Variants in SFMBT2 observed in about 807,000 individuals in gnomAD.
The protein encoded by SFMBT2 is Scm like with four mbt domains 2.
SFMBT2 carries 38 observed loss-of-function variants against 110.1 expected under a neutral mutation model. The ratio of observed to expected loss-of-function variants is 0.35; its 90% CI spans 0.27 to 0.45. The LOEUF (loss-of-function observed/expected upper bound fraction) is 0.45. SFMBT2 is among the 20% of genes least tolerant of loss of function. The pLI, the probability that SFMBT2 is intolerant of heterozygous loss-of-function variation, is 1.00. For missense variants in SFMBT2, 1,011 were observed against 1,094.9 expected (o/e 0.92, Z 1.08); for synonymous variants, 425 against 425.4 (o/e 1.00, Z 0.01).
chr10:7,370,222 A>C, intron 3 of SFMBT2, 59 bp downstream of exon 3: 1 of 1,465,184 alleles, frequency 6.8e-7, no homozygotes, highest in African/African-American at 1.4e-5. Context: ...GCTTCTCCCT[A>C]TAGATTCCTT....
intron 9 of SFMBT2, among the ~76,000 whole-genome samples, chr10:7,237,731 G>A (rs111973184): frequency 1.3e-5 from 2 of 152,104 alleles, no homozygotes; most frequent in African/African-American, 4.8e-5. Flanking sequence ...TTTTAGTGGG[G>A]GAGATGAATG....
At chr10:7,349,748 C>T (rs765369097) in intron 4 of SFMBT2, among the ~76,000 whole-genome samples, 1 of 151,862 alleles carries the variant, frequency 6.6e-6, no homozygotes, top group African/African-American at 2.4e-5. Context: ...TGTGAGCCAC[C>T]GTGCCCGGCC....
chr10:7,227,700 T>C (rs1839935323), intron 10 of SFMBT2, among the ~76,000 whole-genome samples, 155 bp downstream of exon 10: 1 of 152,204 alleles, frequency 6.6e-6, no homozygotes, highest in South Asian at 2.1e-4. Context: ...ATATACAACC[T>C]GAAAGCAGAG....
intron 7 of SFMBT2, chr10:7,249,222 T>C (rs144499733): frequency 5.1e-6 from 1 of 194,464 alleles, no homozygotes; most frequent in African/African-American, 2.4e-5. Context: ...CACAGACGAT[T>C]AGAACCTGTC....
intron 12 of SFMBT2, 150 bp from the exon 13 acceptor site, chr10:7,202,672 T>A: frequency 6.6e-7 from 1 of 1,518,748 alleles, no homozygotes; most frequent in South Asian, 1.3e-5. Context: ...CAATTTCCTA[T>A]CAGTTTCTTC....
chr10:7,269,324 A>C (rs1009774798), intron 7 of SFMBT2, among the ~76,000 whole-genome samples: 1 of 152,188 alleles, frequency 6.6e-6, no homozygotes, highest in Non-Finnish European at 1.5e-5. Context: ...ACAGAAAGGA[A>C]CACCTACCCA....
At chr10:7,184,397 T>C (rs1015657848) in intron 16 of SFMBT2, among the ~76,000 whole-genome samples, 3 of 152,088 alleles carry the variant, frequency 2.0e-5, no homozygotes, top group African/African-American at 7.2e-5. Context: ...TCTCTTCTCT[T>C]GTCTGCCACC....
chr10:7,251,772 C>A (rs1029476798), intron 7 of SFMBT2, among the ~76,000 whole-genome samples: 19 of 152,128 alleles, frequency 1.2e-4, no homozygotes, highest in African/African-American at 4.1e-4. Context: ...TTCTCAGGAG[C>A]CTCCTTCTCT....
chr10:7,278,946 C>T (rs913058848), intron 6 of SFMBT2, among the ~76,000 whole-genome samples: 1 of 151,806 alleles, frequency 6.6e-6, no homozygotes, highest in African/African-American at 2.4e-5. Context: ...AAAACAAAAA[C>T]AAAAATTAGC....
chr10:7,391,510 T>C (rs1197194568), intron 1 of SFMBT2, among the ~76,000 whole-genome samples: 2 of 149,766 alleles, frequency 1.3e-5, no homozygotes, highest in Non-Finnish European at 3.0e-5. Context: ...CTCACATGAC[T>C]CTGGAGGGCA....
chr10:7,385,286 G>A (rs1227397966), intron 1 of SFMBT2, among the ~76,000 whole-genome samples: 1 of 152,198 alleles, frequency 6.6e-6, no homozygotes, highest in Non-Finnish European at 1.5e-5. Flanking sequence ...CGTGGTCACT[G>A]AGGAAGAGAG....
chr10:7,172,252 T>C lies in SFMBT2; in HGVS notation c.2152-94A>G. The C allele has an allele frequency of 6.8e-7, 1 of 1,475,176 alleles. No individual in the cohort carries two copies. Among genetic ancestry groups the C allele is most frequent in the Non-Finnish European group, 9.0e-7 (1 of 1,115,114 alleles). 91.4% of individuals were successfully genotyped at this position (1,475,176 alleles called of 1,614,324 possible). Reference sequence around the variant, plus strand: ...GACCCTGGGCCCAGTGCAGACCACCTAGCAAACCCTCGGAAATGGAGCCAG... The same window carrying C: ...GACCCTGGGCCCAGTGCAGACCACCCAGCAAACCCTCGGAAATGGAGCCAG... On this transcript the variant is annotated intron_variant, in intron 18 of 20. Transcript: ENST00000397167. The surrounding 1 kb of genome is among the most constrained non-coding windows in gnomAD (Gnocchi z 4.6).
chr10:7,233,317 T>C (rs1840162987), intron 9 of SFMBT2, among the ~76,000 whole-genome samples: 1 of 152,136 alleles, frequency 6.6e-6, no homozygotes, highest in African/African-American at 2.4e-5. Flanking sequence ...CTCCAGCGAC[T>C]ACTGGGAGTA....
At chr10:7,217,109 G>C (rs1314782486) in intron 11 of SFMBT2, among the ~76,000 whole-genome samples, 1 of 152,212 alleles carries the variant, frequency 6.6e-6, no homozygotes, top group East Asian at 1.9e-4. Flanking sequence ...TTTGACTCAT[G>C]TGAGGTACTT....
intron 16 of SFMBT2, among the ~76,000 whole-genome samples, chr10:7,181,611 A>G (rs1412133182): frequency 6.6e-6 from 1 of 152,258 alleles, no homozygotes; most frequent in East Asian, 1.9e-4. Context: ...ACTCTACAGC[A>G]GACTTTCCAT....
At chr10:7,312,659 G>A (rs1364511579) in intron 4 of SFMBT2, among the ~76,000 whole-genome samples, 1 of 151,998 alleles carries the variant, frequency 6.6e-6, no homozygotes, top group African/African-American at 2.4e-5. Context: ...ACTGCCCGGA[G>A]ACCTCTGTTC....
At chr10:7,223,082 T>C (rs1283234174) in intron 10 of SFMBT2, among the ~76,000 whole-genome samples, 1 of 152,196 alleles carries the variant, frequency 6.6e-6, no homozygotes, top group Non-Finnish European at 1.5e-5. Context: ...TATTGGGGGT[T>C]AGGATTTGAA....
intron 4 of SFMBT2, among the ~76,000 whole-genome samples, chr10:7,300,306 T>A: frequency 6.8e-6 from 1 of 147,480 alleles, no homozygotes; most frequent in South Asian, 2.1e-4. Flanking sequence ...TTTTAAGAAA[T>A]AAAGAACAAA....
chr10:7,211,031 T>C (rs1729332241), intron 11 of SFMBT2, among the ~76,000 whole-genome samples: 2 of 152,182 alleles, frequency 1.3e-5, no homozygotes, highest in African/African-American at 4.8e-5. Context: ...ACGGGGTGTT[T>C]TCATCCCCAT....
Sources: allele counts gnomAD v4.1 joint callset (sites outside exome capture counted in the v4.1 genomes callset), GRCh38; gene constraint gnomAD v4.1.1; non-coding constraint Gnocchi (gnomAD v3.1); transcripts MANE v1.5; gene names NCBI Gene and HGNC (gene_info 2026-07-23, HGNC 2026-07-21).